NUP107: variants seen among roughly 807,000 people sequenced by gnomAD.
NUP107 encodes nuclear pore complex protein Nup107.
NUP107 carries 101 observed loss-of-function variants against 141.0 expected under a neutral mutation model. The observed-to-expected ratio is 0.72, with a 90% CI of 0.61 to 0.84. The LOEUF (loss-of-function observed/expected upper bound fraction) is 0.84. Among genes scored for constraint, NUP107 ranks in the 40% least tolerant of loss-of-function variants. The probability of loss-of-function intolerance (pLI) is 0.00; values close to 1 mark genes in which losing one functional copy is unlikely to be tolerated. For missense variants in NUP107, 941 were observed against 1,102.7 expected (o/e 0.85, Z 2.08); for synonymous variants, 319 against 363.9 (o/e 0.88, Z 1.41).
At chr12:68,705,942 C>T in intron 8 of NUP107, 1 of 910,630 alleles carries the variant, frequency 1.1e-6, no homozygotes, top group South Asian at 1.3e-5. Context: ...ACAAGTTTGC[C>T]TCCTTCATTG....
rs925171273 is a variant in NUP107, at chr12:68,745,624, ACACAGTAG to A, written c.*3166_*3173del. 2.0e-4 allele frequency: 31 copies of A among 152,318 alleles called. No individual in the cohort carries two copies. Among genetic ancestry groups the A allele is most frequent in the African/African-American group, 7.5e-4 (31 of 41,556 alleles). 9.4% of individuals were successfully genotyped at this position (152,318 alleles called of 1,614,324 possible). On this transcript the variant is annotated 3_prime_UTR_variant, in exon 28 of 28. Transcript: ENST00000229179. ...CGTTTTTTTCTCGAGTTGTAAGTGA[ACACAGTAG>A]CACTCGTTTACATTGTCAAGGGGAC...
chr12:68,691,868 A>G, intron 4 of NUP107, 100 bp from the exon 5 acceptor site: 1 of 1,009,160 alleles, frequency 9.9e-7, no homozygotes, highest in Non-Finnish European at 1.4e-6. Context: ...ACGCATACAT[A>G]CATATAATTT....
At chr12:68,687,100 C>A (rs1231947792) in intron 1 of NUP107, 27 bp downstream of exon 1, 1 of 1,613,634 alleles carries the variant, frequency 6.2e-7, no homozygotes, top group Non-Finnish European at 8.5e-7. Context: ...GCAGCTGAGC[C>A]CGAAGTCTTG....
rs1875821952 is a variant in NUP107, at chr12:68,692,063, T to C, written c.399T>C (p.Asp133=). 2 of 1,611,700 alleles carry C rather than the reference T, an allele frequency of 1.2e-6. No homozygotes were observed. Among genetic ancestry groups the C allele is most frequent in the South Asian group, 2.2e-5 (2 of 90,446 alleles). ...TNTEPHSITE[D]VTISAVMLRE... ...CAGAGCCCCACAGTATAACAGAAGA[T>C]GTAACTATCAGTGCTGTTATGTTAC... Residue 133 remains aspartate, a synonymous_variant, in exon 5 of 28, where the codon GAT becomes GAC. Transcript: ENST00000229179.
At position 68,687,031 on chromosome 12, in the gene NUP107, G is replaced by A; in HGVS notation, c.-35G>A. On this transcript the variant is annotated 5_prime_UTR_variant, in exon 1 of 28. Transcript: ENST00000229179. ...GCTAAAACGCGGTAGCTAAACTGCA[G>A]CCAACTTTGGTTGTGTGTGGAAAAG... 3 of 1,614,130 alleles carry A rather than the reference G, an allele frequency of 1.9e-6. No individual in the cohort carries two copies. Among genetic ancestry groups the A allele is most frequent in the Non-Finnish European group, 2.5e-6 (3 of 1,179,962 alleles).
At position 68,745,363 on chromosome 12, in the gene NUP107, TA is replaced by T. The variant is rs1422815749; in HGVS notation, c.*2906del. The T allele has an allele frequency of 6.6e-6, 1 of 152,234 alleles. No individual in the cohort carries two copies. Among genetic ancestry groups the T allele is most frequent in the African/African-American group, 2.4e-5 (1 of 41,462 alleles). The allele number at this position is 152,234 out of a possible 1,614,324, so 9.4% of individuals were successfully genotyped here. The stretch of plus-strand genomic sequence containing the variant: ...CAAGATGTTTTTGTGATTCCTTTTT[TA>T]AAAATCTCCTTTTGTACCTGTAATA... On this transcript the variant is annotated 3_prime_UTR_variant, in exon 28 of 28. Transcript: ENST00000229179.
chr12:68,717,505 ATTATT>A (rs1877166605), intron 12 of NUP107, among the ~76,000 whole-genome samples: 1 of 119,406 alleles, frequency 8.4e-6, no homozygotes, highest in African/African-American at 3.2e-5. Flanking sequence ...TATAATATAT[ATTATT>A]ATATTATATA....
At chr12:68,707,491 T>C (rs1876646835) in intron 8 of NUP107, among the ~76,000 whole-genome samples, 1 of 152,060 alleles carries the variant, frequency 6.6e-6, no homozygotes, top group African/African-American at 2.4e-5. Context: ...CCCATCTACA[T>C]GTGAGGCTGA....
intron 24 of NUP107, among the ~76,000 whole-genome samples, chr12:68,733,851 G>T (rs926836834): frequency 2.0e-5 from 3 of 152,150 alleles, no homozygotes; most frequent in Non-Finnish European, 4.4e-5. Context: ...TATGATGTCT[G>T]GAAGTTATGT....
Position 68,742,563 on chromosome 12 carries a change from T to G in NUP107, c.*101T>G, listed in dbSNP as rs140055536. On this transcript the variant is annotated 3_prime_UTR_variant, in exon 28 of 28. Transcript: ENST00000229179. The stretch of plus-strand genomic sequence containing the variant: ...TTCTTTTGCATTACCATGTAAAATT[T>G]AGACATTTGAATTTTGTACTTTTCA... The G allele has an allele frequency of 3.5e-6, 2 of 573,076 alleles. No homozygotes were observed. Among genetic ancestry groups the G allele is most frequent in the Non-Finnish European group, 6.0e-6 (2 of 332,436 alleles). The allele number at this position is 573,076 out of a possible 1,614,324, so 35.5% of individuals were successfully genotyped here. A position where few individuals can be genotyped will look rare whatever the true frequency, so the allele number is the denominator to read the frequency against.
rs528130574 is a variant in NUP107 at position 68,707,612 on chromosome 12, T to C, written c.730-1626T>C. On this transcript the variant is annotated intron_variant, in intron 8 of 27. Coordinates refer to ENST00000229179, the MANE Select transcript of NUP107 (RefSeq NM_020401.4). ...AGACCCTGTCTCAAATAAAAGATCA[T>C]TGGGTTTGTACTGAATATGTGCACA... Among the ~76,000 whole-genome samples the C allele has an allele frequency of 7.3e-5, 11 of 151,436 alleles. No individual in the cohort carries two copies. In the South Asian group the frequency reaches 8.4e-4, roughly 12 times the overall value.
chr12:68,705,815 G>A (rs1876551159), intron 8 of NUP107: 4 of 767,128 alleles, frequency 5.2e-6, no homozygotes, highest in Non-Finnish European at 9.7e-6. Context: ...AGTGGTAGGG[G>A]AGGCATCACC....
intron 8 of NUP107, chr12:68,707,043 C>CT (rs1490600916): frequency 3.4e-6 from 2 of 594,942 alleles, no homozygotes; most frequent in Non-Finnish European, 6.0e-6. Context: ...AAGCTAGTGT[C>CT]TGAGTCGTCT....
chr12:68,724,798 CAAAA>C (rs904348324), intron 17 of NUP107, among the ~76,000 whole-genome samples: 1 of 150,978 alleles, frequency 6.6e-6, no homozygotes, highest in Admixed American at 6.6e-5. Context: ...AACAAACAAA[CAAAA>C]AAAACCACAC....
At chr12:68,691,905 A>G (rs1412568371) in intron 4 of NUP107, 63 bp from the exon 5 acceptor site, 6 of 1,350,502 alleles carry the variant, frequency 4.4e-6, no homozygotes, top group Non-Finnish European at 2.0e-6. Flanking sequence ...TTTTTAAAGT[A>G]TCCACTCAGT....
At chr12:68,735,444 A>C in intron 26 of NUP107, 100 bp downstream of exon 26, 1 of 785,026 alleles carries the variant, frequency 1.3e-6, no homozygotes, top group Non-Finnish European at 2.2e-6. Context: ...CAGATTTTAC[A>C]TAATTGTAGA....
In NUP107 at chr12:68,690,625, T is replaced by A; in HGVS notation, c.188-6T>A. The A allele has an allele frequency of 1.9e-6, 3 of 1,614,112 alleles. No homozygotes were observed. The highest frequency in any genetic ancestry group is 2.5e-6 in the Non-Finnish European group (3 of 1,179,990). ...TAGGTTCTTTCTACCAACCTTTTGTTTATAGTTACCCCAACAAGCCGAAGC... is the reference window on the plus strand; with the variant it reads ...TAGGTTCTTTCTACCAACCTTTTGTATATAGTTACCCCAACAAGCCGAAGC... On this transcript the variant is annotated splice_region_variant and splice_polypyrimidine_tract_variant and intron_variant, in intron 3 of 27. Coordinates refer to ENST00000229179, the MANE Select transcript of NUP107 (RefSeq NM_020401.4).
chr12:68,717,366 A>G (rs1246065089), intron 12 of NUP107, among the ~76,000 whole-genome samples: 2 of 152,224 alleles, frequency 1.3e-5, no homozygotes, highest in East Asian at 1.9e-4. Flanking sequence ...CAGTCATACT[A>G]TACATTCAAG....
intron 4 of NUP107, 48 bp downstream of exon 4, chr12:68,690,794 G>A: frequency 1.9e-6 from 3 of 1,586,062 alleles, no homozygotes; most frequent in Non-Finnish European, 2.6e-6. Context: ...CGAGTGTGGT[G>A]GCTCACATCT....
Sources: allele counts gnomAD v4.1 joint callset (sites outside exome capture counted in the v4.1 genomes callset), GRCh38; gene constraint gnomAD v4.1.1; transcripts MANE v1.5; gene names NCBI Gene and HGNC (gene_info 2026-07-23, HGNC 2026-07-21).